Variants in PRMT8 observed in about 807,000 individuals in gnomAD.
PRMT8 encodes protein arginine N-methyltransferase 8.
In PRMT8, 7 loss-of-function variants were observed where a neutral mutation model predicts 47.1. That is an observed-to-expected ratio of 0.15 (90% confidence interval 0.08 to 0.28). The LOEUF is 0.28. Ranked by LOEUF, PRMT8 falls within the 10% of genes least tolerant of loss-of-function variation. The pLI is 1.00. For missense variants in PRMT8, 237 were observed against 505.4 expected (o/e 0.47, Z 5.09); for synonymous variants, 188 against 186.5 (o/e 1.01, Z -0.07).
intron 1 of PRMT8, among the ~76,000 whole-genome samples, chr12:3,430,522 A>C (rs1864663864): frequency 6.6e-6 from 1 of 152,234 alleles, no homozygotes; most frequent in Admixed American, 6.5e-5. Flanking sequence ...GTGATTAACT[A>C]AGATAACATT....
intron 1 of PRMT8, among the ~76,000 whole-genome samples, chr12:3,426,415 T>C (rs1407757368): frequency 6.6e-6 from 1 of 152,182 alleles, no homozygotes; most frequent in African/African-American, 2.4e-5. Context: ...CCACAGAACG[T>C]TGGACCAACT....
chr12:3,449,234 T>C (rs143393269), intron 1 of PRMT8, among the ~76,000 whole-genome samples: 1 of 152,182 alleles, frequency 6.6e-6, no homozygotes, highest in Non-Finnish European at 1.5e-5. Flanking sequence ...ATGATTTATA[T>C]TCCTTTGGGT....
chr12:3,480,892 A>G (rs1009591412), intron 1 of PRMT8, among the ~76,000 whole-genome samples: 14 of 152,200 alleles, frequency 9.2e-5, no homozygotes, highest in African/African-American at 3.4e-4. Flanking sequence ...CTTTTGAAAC[A>G]GAAGTCCCTC....
At chr12:3,582,043 A>G (rs897767435) in intron 7 of PRMT8, among the ~76,000 whole-genome samples, 2 of 152,240 alleles carry the variant, frequency 1.3e-5, no homozygotes, top group African/African-American at 4.8e-5. Flanking sequence ...CCAACCAGGC[A>G]TACAGATGGC....
intron 1 of PRMT8, among the ~76,000 whole-genome samples, chr12:3,427,622 C>T (rs1249258271): frequency 6.6e-6 from 1 of 151,458 alleles, no homozygotes; most frequent in African/African-American, 2.4e-5. Context: ...GTTTTACATT[C>T]GGGAGGCCTA....
chr12:3,464,115 A>C (rs2137090020), intron 1 of PRMT8, among the ~76,000 whole-genome samples: 1 of 152,312 alleles, frequency 6.6e-6, no homozygotes, highest in Admixed American at 6.5e-5. Flanking sequence ...TTTGAGAGCA[A>C]TGTGAACGGC....
chr12:3,588,285 G>T (rs925687789), intron 8 of PRMT8, among the ~76,000 whole-genome samples: 8 of 152,208 alleles, frequency 5.3e-5, no homozygotes, highest in African/African-American at 1.7e-4. Context: ...AAAGGCCTAT[G>T]AATTCTCTAG....
chr12:3,449,595 G>A (rs1459917951), intron 1 of PRMT8, among the ~76,000 whole-genome samples: 2 of 151,862 alleles, frequency 1.3e-5, no homozygotes, highest in Non-Finnish European at 1.5e-5. Flanking sequence ...TTTTTTTCTT[G>A]TAAATTTGTT....
chr12:3,386,500 C>T (rs746666492), intron 1 of PRMT8, among the ~76,000 whole-genome samples: 18 of 152,290 alleles, frequency 1.2e-4, no homozygotes, highest in Middle Eastern at 3.4e-3. Context: ...CTACTGAAGT[C>T]GCCATGTGGA....
At chr12:3,399,689 C>T (rs1386059294) in intron 1 of PRMT8, among the ~76,000 whole-genome samples, 2 of 152,298 alleles carry the variant, frequency 1.3e-5, no homozygotes, top group East Asian at 3.9e-4. Context: ...TCCCTCATTC[C>T]TTTGGGAGGG....
chr12:3,490,911 G>C (rs949692084), upstream of PRMT8, among the ~76,000 whole-genome samples: 234 of 152,132 alleles, frequency 1.5e-3, 2 homozygotes, highest in Admixed American at 3.7e-3. Flanking sequence ...GCCCGGTCTC[G>C]CCCGGACCTC....
At chr12:3,396,708 G>C (rs1008086866) in intron 1 of PRMT8, among the ~76,000 whole-genome samples, 2 of 150,912 alleles carry the variant, frequency 1.3e-5, no homozygotes, top group Non-Finnish European at 3.0e-5. Flanking sequence ...TGCTCTTCTC[G>C]AGGAGTATCT....
At chr12:3,404,700 G>T (rs1864355154) in intron 1 of PRMT8, among the ~76,000 whole-genome samples, 1 of 152,084 alleles carries the variant, frequency 6.6e-6, no homozygotes, top group Non-Finnish European at 1.5e-5. Flanking sequence ...TTTCCTTATT[G>T]ATTTTATTGG....
chr12:3,561,376 G>A (rs757594224), intron 4 of PRMT8, among the ~76,000 whole-genome samples: 8 of 152,156 alleles, frequency 5.3e-5, no homozygotes, highest in South Asian at 2.1e-4. Flanking sequence ...GCTGCCAAGC[G>A]ATACCTCCTA....
chr12:3,494,738 A>C lies in PRMT8; in HGVS notation c.75+3038A>C, dbSNP rs557206207. On this transcript the variant is annotated intron_variant, in intron 1 of 9. Transcript: ENST00000382622. ...AAAGCCTCCCTCCACAAAGCGAAGT[A>C]CCCAGCTAGGGTACGAGAGCATCAA... is the stretch of plus-strand genomic sequence containing the variant. Among the ~76,000 whole-genome samples the C allele has an allele frequency of 2.0e-4, 30 of 152,288 alleles. No homozygotes were observed. The South Asian group carries it at 6.2e-3, about 32-fold the overall frequency.
intron 1 of PRMT8, among the ~76,000 whole-genome samples, chr12:3,506,555 G>A (rs1372040265): frequency 1.3e-5 from 2 of 152,146 alleles, no homozygotes; most frequent in South Asian, 4.1e-4. Context: ...GGAGGAACAG[G>A]GAGCCTCGTG....
At chr12:3,421,890 C>A (rs1257503605) in intron 1 of PRMT8, among the ~76,000 whole-genome samples, 2 of 152,236 alleles carry the variant, frequency 1.3e-5, no homozygotes, top group Non-Finnish European at 2.9e-5. Flanking sequence ...AGGTCTCTCT[C>A]TGCTGCTGCA....
intron 3 of PRMT8, 73 bp from the exon 4 acceptor site, chr12:3,553,578 A>G: frequency 7.9e-7 from 1 of 1,264,312 alleles, no homozygotes; most frequent in Non-Finnish European, 1.2e-6. Flanking sequence ...CAGCGTCTCT[A>G]TCCATTGAAT....
intron 4 of PRMT8, among the ~76,000 whole-genome samples, chr12:3,565,557 A>G (rs1866705585): frequency 6.6e-6 from 1 of 152,154 alleles, no homozygotes; most frequent in African/African-American, 2.4e-5. Context: ...TAGAAGGGTG[A>G]TGTTAAGAGA....
Sources: allele counts gnomAD v4.1 joint callset (sites outside exome capture counted in the v4.1 genomes callset), GRCh38; gene constraint gnomAD v4.1.1; transcripts MANE v1.5; gene names NCBI Gene and HGNC (gene_info 2026-07-23, HGNC 2026-07-21).